The following KCNK9 variants were observed in gnomAD, a reference collection of about 807,000 sequenced individuals.
KCNK9 encodes the protein potassium channel subfamily K member 9.
A neutral mutation model predicts 10.8 loss-of-function variants in KCNK9; 1 was observed. That is an observed-to-expected ratio of 0.09 (90% CI 0.03 to 0.44). The LOEUF is 0.44. KCNK9 is among the 20% of genes least tolerant of loss of function. The probability of loss-of-function intolerance (pLI) is 0.97; values close to 1 mark genes in which losing one functional copy is unlikely to be tolerated. For missense variants in KCNK9, 303 were observed against 515.0 expected (o/e 0.59, Z 3.98); for synonymous variants, 231 against 222.7 (o/e 1.04, Z -0.33).
downstream of KCNK9, among the ~76,000 whole-genome samples, chr8:139,611,150 C>T (rs1163733815): frequency 2.0e-5 from 3 of 152,236 alleles, no homozygotes; most frequent in Non-Finnish European, 4.4e-5. Context: ...AGACATGGGC[C>T]TTGCTTTTGT....
chr8:139,672,727 A>C (rs1563745530), intron 1 of KCNK9, among the ~76,000 whole-genome samples: 1 of 152,170 alleles, frequency 6.6e-6, no homozygotes, highest in Non-Finnish European at 1.5e-5. Flanking sequence ...CTGGGTCTCC[A>C]GTCCTGTTTC....
chr8:139,615,511 A>AGAT (rs1396049793), downstream of KCNK9, among the ~76,000 whole-genome samples: 1 of 152,180 alleles, frequency 6.6e-6, no homozygotes, highest in Non-Finnish European at 1.5e-5. Context: ...CAGGGGGAAG[A>AGAT]GATGGACCAT....
At chr8:139,670,316 A>G (rs1327000035) in intron 1 of KCNK9, among the ~76,000 whole-genome samples, 1 of 152,256 alleles carries the variant, frequency 6.6e-6, no homozygotes, top group Admixed American at 6.5e-5. Context: ...TGTGAGCATT[A>G]CCAAAATGAG....
chr8:139,637,338 G>A (rs144767895), intron 1 of KCNK9, among the ~76,000 whole-genome samples: 54 of 152,326 alleles, frequency 3.5e-4, no homozygotes, highest in Non-Finnish European at 6.2e-4. Context: ...AGGTGACCAA[G>A]TGCCATAAGG....
chr8:139,608,537 C>T (rs1318019569), downstream of KCNK9, among the ~76,000 whole-genome samples: 1 of 152,042 alleles, frequency 6.6e-6, no homozygotes, highest in African/African-American at 2.4e-5. Flanking sequence ...GCCTGGGTCA[C>T]ACCACAGTGT....
chr8:139,605,002 A>G (rs1817454546), intron 2 of KCNK9, among the ~76,000 whole-genome samples: 1 of 152,198 alleles, frequency 6.6e-6, no homozygotes, highest in Non-Finnish European at 1.5e-5. Flanking sequence ...GATCCAGACT[A>G]AGGGCACGAC....
chr8:139,636,821 C>T (rs1321250259), intron 1 of KCNK9, among the ~76,000 whole-genome samples: 1 of 152,176 alleles, frequency 6.6e-6, no homozygotes, highest in Non-Finnish European at 1.5e-5. Flanking sequence ...GCCTCAGCTC[C>T]AAGGTGACCT....
intron 1 of KCNK9, among the ~76,000 whole-genome samples, chr8:139,624,279 G>C (rs958918768): frequency 3.9e-5 from 6 of 152,224 alleles, no homozygotes; most frequent in African/African-American, 1.4e-4. Context: ...TGGGTGTGAG[G>C]TTAACCATAG....
intron 1 of KCNK9, among the ~76,000 whole-genome samples, chr8:139,646,565 G>A (rs941997219): frequency 6.6e-6 from 1 of 152,210 alleles, no homozygotes; most frequent in African/African-American, 2.4e-5. Context: ...CTCTTACACA[G>A]TGCAGTGAGG....
chr8:139,623,941 A>C (rs141292427), intron 1 of KCNK9, among the ~76,000 whole-genome samples: 2 of 152,268 alleles, frequency 1.3e-5, no homozygotes, highest in Non-Finnish European at 2.9e-5. Context: ...GAACCACTTC[A>C]CAGACGTGTA....
chr8:139,700,532 ACACACACG>A (rs1563757398), intron 1 of KCNK9, among the ~76,000 whole-genome samples: 3 of 124,910 alleles, frequency 2.4e-5, no homozygotes, highest in African/African-American at 9.7e-5. Flanking sequence ...ACACACACAC[ACACACACG>A]CGCGCACACA....
At chr8:139,620,759 C>T (rs1393479927) in intron 1 of KCNK9, among the ~76,000 whole-genome samples, 1 of 152,158 alleles carries the variant, frequency 6.6e-6, no homozygotes, top group Non-Finnish European at 1.5e-5. Context: ...TCTGAAACCC[C>T]TTAGTCCTTA....
chr8:139,690,025 G>C (rs1345162962), intron 1 of KCNK9, among the ~76,000 whole-genome samples: 1 of 152,234 alleles, frequency 6.6e-6, no homozygotes, highest in African/African-American at 2.4e-5. Context: ...ATGGGTAAAA[G>C]CTGCCCAGCT....
Position 139,627,411 on chromosome 8 carries a change from G to C in KCNK9, c.284-8312C>G, listed in dbSNP as rs116217091. On this transcript the variant is annotated intron_variant, in intron 1 of 1. Transcript: ENST00000520439. ...GCAAAAGCCTCAGGGTTTGGGGCTT[G>C]ACTGGTGACTCAAAGGCTTCGGCTT... Among the ~76,000 whole-genome samples, 1,082 of 152,328 alleles carry C rather than the reference G, an allele frequency of 7.1e-3. 14 individuals are homozygous for C. Among genetic ancestry groups the C allele is most frequent in the African/African-American group, 0.025 (1,048 of 41,566 alleles).
At chr8:139,694,264 G>A (rs538021189) in intron 1 of KCNK9, among the ~76,000 whole-genome samples, 173 of 152,234 alleles carry the variant, frequency 1.1e-3, no homozygotes, top group African/African-American at 3.9e-3. Context: ...TAATGAGCAC[G>A]CCCAAATGAC....
intron 2 of KCNK9, among the ~76,000 whole-genome samples, chr8:139,606,586 G>T (rs1432678938): frequency 6.6e-6 from 1 of 152,156 alleles, no homozygotes; most frequent in Non-Finnish European, 1.5e-5. Flanking sequence ...AAAGCAACAA[G>T]TTTTCCTTTT....
intron 1 of KCNK9, among the ~76,000 whole-genome samples, chr8:139,700,538 A>ACGCGCGCG (rs1382780049): frequency 2.5e-5 from 3 of 119,856 alleles, no homozygotes; most frequent in African/African-American, 1.1e-4. Flanking sequence ...ACACACACAC[A>ACGCGCGCG]CGCGCGCACA....
At chr8:139,697,278 A>G (rs1172791143) in intron 1 of KCNK9, among the ~76,000 whole-genome samples, 1 of 140,380 alleles carries the variant, frequency 7.1e-6, no homozygotes, top group Non-Finnish European at 1.5e-5. Flanking sequence ...GGATAGGTAG[A>G]TGAGTGGTGG....
At chr8:139,647,205 G>A (rs2545458) in intron 1 of KCNK9, among the ~76,000 whole-genome samples, 42,963 of 152,206 alleles carry the variant, frequency 0.28, 6,764 homozygotes, top group African/African-American at 0.42. Flanking sequence ...TGGGAAGAAG[G>A]CATGGAGGAG....
Sources: gnomAD v4.1 joint callset for allele counts (sites outside exome capture counted in the v4.1 genomes callset) on GRCh38, gnomAD v4.1.1 for gene constraint, MANE v1.5 for transcripts, NCBI Gene and HGNC (gene_info 2026-07-23, HGNC 2026-07-21) for gene names.